The following VWDE variants were observed in gnomAD, a reference collection of about 807,000 sequenced individuals.
VWDE encodes the protein von Willebrand factor D and EGF domain-containing protein.
A neutral mutation model predicts 178.4 loss-of-function variants in VWDE; 207 were observed. The ratio of observed to expected loss-of-function variants is 1.16; its 90% confidence interval spans 1.04 to 1.30. The LOEUF (loss-of-function observed/expected upper bound fraction) is 1.30, where lower values mean the gene tolerates loss of function less well. Among genes scored for constraint, VWDE ranks in the 50% most tolerant of loss-of-function variants. VWDE has a pLI of 0.00. For missense variants in VWDE, 2,287 were observed against 1,901.3 expected, an observed-to-expected ratio of 1.20 and a Z score of -3.77; for synonymous variants, 738 against 651.4, an observed-to-expected ratio of 1.13 and a Z score of -2.02.
chr7:12,335,232 G>C (rs1780952799), intron 27 of VWDE, among the ~76,000 whole-genome samples: 1 of 152,152 alleles, frequency 6.6e-6, no homozygotes, highest in South Asian at 2.1e-4. Flanking sequence ...TGAGGGATTT[G>C]CAGTTTTTCC....
intron 28 of VWDE, among the ~76,000 whole-genome samples, chr7:12,333,140 A>T (rs1448367252): frequency 6.6e-6 from 1 of 152,138 alleles, no homozygotes; most frequent in Non-Finnish European, 1.5e-5. Context: ...CTTTTTAAAT[A>T]TATGTTTTAT....
chr7:12,331,322 T>C, intron 28 of VWDE, 125 bp from the exon 29 acceptor site: 1 of 691,210 alleles, frequency 1.4e-6, no homozygotes, highest in Non-Finnish European at 2.4e-6. Context: ...TGTTTGCCAC[T>C]AGACTCAATA....
At position 12,361,448 on chromosome 7, in the gene VWDE, T is replaced by C; in HGVS notation, c.2972A>G (p.Asp991Gly). The C allele has an allele frequency of 6.4e-7, 1 of 1,551,212 alleles. No individual in the cohort carries two copies. The highest frequency in any genetic ancestry group is 8.7e-7 in the Non-Finnish European group (1 of 1,146,672). The change falls in exon 14 of 29, where the codon GAT becomes GGT. Residue 991 changes from aspartate to glycine, a missense_variant. By Grantham distance (94) the Asp-to-Gly change is moderately conservative. Coordinates refer to ENST00000275358, the MANE Select transcript of VWDE (RefSeq NM_001135924.3). ...QTVFHNSRAV[D>G]CQLPTDVQQF... ...CTGAACATCAGTGGGCAGCTGACAA[T>C]CAACAGCTCTGCTATTGTGGAAAAC...
chr7:12,385,651 A>G (rs1375835463), intron 3 of VWDE, among the ~76,000 whole-genome samples: 2 of 152,220 alleles, frequency 1.3e-5, no homozygotes, highest in African/African-American at 4.8e-5. Flanking sequence ...TTCAGTAAGA[A>G]AAAGAAACTC....
intron 26 of VWDE, 21 bp from the exon 27 acceptor site, chr7:12,336,257 A>C (rs1781024266): frequency 6.5e-7 from 1 of 1,546,246 alleles, no homozygotes; most frequent in Admixed American, 2.0e-5. Context: ...AAATATAAAC[A>C]AGTTAAAATT....
chr7:12,393,208 C>G (rs1244649122), intron 2 of VWDE, among the ~76,000 whole-genome samples: 3 of 152,162 alleles, frequency 2.0e-5, no homozygotes, highest in Non-Finnish European at 2.9e-5. Flanking sequence ...GCAGGTAATA[C>G]AGCTAAGCAC....
chr7:12,391,911 C>T (rs1422386910), intron 2 of VWDE, among the ~76,000 whole-genome samples: 3 of 152,154 alleles, frequency 2.0e-5, no homozygotes, highest in African/African-American at 7.2e-5. Context: ...AAAAGAAAAT[C>T]GACTTTAAGA....
chr7:12,386,684 A>G (rs1011728052), intron 3 of VWDE, among the ~76,000 whole-genome samples: 2 of 152,194 alleles, frequency 1.3e-5, no homozygotes, highest in African/African-American at 4.8e-5. Context: ...AGCTCTCAGC[A>G]TCAGTGCCCT....
chr7:12,343,327 A>G (rs377412824), intron 21 of VWDE, 149 bp from the exon 22 acceptor site: 1 of 520,616 alleles, frequency 1.9e-6, no homozygotes. Context: ...GTTCTGTGGG[A>G]CTGACTATAT....
chr7:12,374,549 C>T, intron 9 of VWDE, 140 bp downstream of exon 9: 1 of 565,924 alleles, frequency 1.8e-6, no homozygotes, highest in South Asian at 3.0e-5. Flanking sequence ...AAACTAGTAT[C>T]TTGAAACAAG....
intron 24 of VWDE, 89 bp downstream of exon 24, chr7:12,340,233 C>G (rs926249233): frequency 2.0e-6 from 2 of 1,017,272 alleles, no homozygotes; most frequent in African/African-American, 3.3e-5. Context: ...CGCATCTTTC[C>G]CTTTGAAACT....
At chr7:12,383,032 T>C (rs1783932358) in intron 4 of VWDE, among the ~76,000 whole-genome samples, 1 of 151,860 alleles carries the variant, frequency 6.6e-6, no homozygotes, top group Non-Finnish European at 1.5e-5. Flanking sequence ...AAAAAAGGCA[T>C]TGTTGTATTG....
chr7:12,393,680 G>A lies in VWDE; in HGVS notation c.157C>T (p.Leu53=). Residue 53 remains leucine (L), a synonymous_variant, in exon 2 of 29, where the codon CTA becomes TTA. Transcript: ENST00000275358. ...WHLQQSAVQD[L]ICDHSLSPGW... is the part of the protein sequence containing the mutation. Reference sequence around the variant, plus strand: ...GGGGAGAGGGAATGGTCACATATTAGGTCTTGAACAGCTGACTGCTGGAGG... The same window carrying A: ...GGGGAGAGGGAATGGTCACATATTAAGTCTTGAACAGCTGACTGCTGGAGG... The A allele has an allele frequency of 1.9e-6, 3 of 1,551,240 alleles. No homozygotes were observed. Among genetic ancestry groups the A allele is most frequent in the East Asian group, 2.4e-5 (1 of 40,908 alleles).
At chr7:12,384,215 C>A (rs1433692666) in intron 3 of VWDE, among the ~76,000 whole-genome samples, 2 of 152,056 alleles carry the variant, frequency 1.3e-5, no homozygotes, top group Non-Finnish European at 2.9e-5. Context: ...ATGTAGGAAA[C>A]TTAAATGAGT....
chr7:12,342,023 A>C, intron 23 of VWDE, 36 bp downstream of exon 23: 1 of 1,502,232 alleles, frequency 6.7e-7, no homozygotes, highest in Non-Finnish European at 9.1e-7. Flanking sequence ...TTTAACTTTT[A>C]ATTGACATGT....
intron 16 of VWDE, among the ~76,000 whole-genome samples, chr7:12,358,373 C>CAAAAA (rs112383586): frequency 6.8e-6 from 1 of 146,396 alleles, no homozygotes; most frequent in South Asian, 2.2e-4. Context: ...GATTCTGTCT[C>CAAAAA]AAAAAATAAA....
rs189872675 is a variant in VWDE at position 12,401,495 on chromosome 7, G to C, written c.58+2164C>G. On this transcript the variant is annotated intron_variant, in intron 1 of 28. Coordinates refer to ENST00000275358, the MANE Select transcript of VWDE (RefSeq NM_001135924.3). ...CATTTTTTAAAATGGCAAGATCTGA[G>C]TATTTCTCTGAAGAGAATAAGCAAA... is the stretch of plus-strand genomic sequence containing the variant. 2.6e-5 allele frequency among the ~76,000 whole-genome samples: 4 copies of C among 152,228 alleles called. No individual in the cohort carries two copies. The East Asian group carries it at 7.7e-4, about 29-fold the overall frequency.
intron 2 of VWDE, among the ~76,000 whole-genome samples, chr7:12,392,472 A>G (rs1203797209): frequency 6.6e-6 from 1 of 152,128 alleles, no homozygotes; most frequent in East Asian, 1.9e-4. Context: ...AAGTAGAAAT[A>G]ATGTCTATTT....
In VWDE at chr7:12,369,665, T is replaced by C. The variant is rs766722852; in HGVS notation, c.2641A>G (p.Ile881Val). The stretch of plus-strand genomic sequence containing the variant: ...TTTAATACTGAGAGAATGTCTTCAA[T>C]TGATGTGCCATACTCTTCTGTGTTA... ...KYNTEEYGTSIEDILSVLKCP... is the reference protein window; with the variant it reads ...KYNTEEYGTSVEDILSVLKCP... Residue 881 changes from isoleucine (I) to valine (V), a missense_variant, in exon 12 of 29, where the codon ATT becomes GTT. Ile to Val is a conservative substitution (Grantham distance 29, BLOSUM62 3). Coordinates refer to ENST00000275358, the MANE Select transcript of VWDE (RefSeq NM_001135924.3). The C allele has an allele frequency of 2.6e-6, 4 of 1,551,638 alleles. No homozygotes were observed. In the South Asian group the frequency reaches 4.8e-5, roughly 18 times the overall value.
Sources: gnomAD v4.1 joint callset for allele counts (sites outside exome capture counted in the v4.1 genomes callset) on GRCh38, gnomAD v4.1.1 for gene constraint, MANE v1.5 for transcripts, NCBI Gene and HGNC (gene_info 2026-07-23, HGNC 2026-07-21) for gene names.